Variants in ATAD3C observed in about 807,000 individuals in gnomAD.
ATAD3C encodes the protein ATPase family AAA domain-containing protein 3C.
ATAD3C carries 38 observed loss-of-function variants against 46.3 expected under a neutral mutation model. The ratio of observed to expected loss-of-function variants is 0.82; its 90% CI spans 0.63 to 1.08. ATAD3C has a LOEUF of 1.08. Ranked by LOEUF, ATAD3C falls within the 50% of genes least tolerant of loss-of-function variation. ATAD3C has a pLI of 0.00. For synonymous variants in ATAD3C, 220 were observed against 236.4 expected (o/e 0.93, Z 0.63); for missense variants, 563 against 572.7 (o/e 0.98, Z 0.17).
chr1:1,459,016 G>C lies in ATAD3C; in HGVS notation c.742-145G>C. The C allele has an allele frequency of 6.7e-7, 1 of 1,499,244 alleles. No homozygotes were observed. The highest frequency in any genetic ancestry group is 8.9e-7 in the Non-Finnish European group (1 of 1,121,548). The allele number at this position is 1,499,244 out of a possible 1,614,324, so 92.9% of individuals were successfully genotyped here. A position where few individuals can be genotyped will look rare whatever the true frequency, so the allele number is the denominator to read the frequency against. The stretch of plus-strand genomic sequence containing the variant: ...TTACATTCGTGAGTCACCGCCCCTG[G>C]CCCTGGTCAGGCTTTTGAGTCTAGA... On this transcript the variant is annotated intron_variant, in intron 8 of 11. Transcript: ENST00000378785. The surrounding 1 kb of genome is among the most constrained non-coding windows in gnomAD (Gnocchi z 4.9).
At chr1:1,455,360 G>T in intron 4 of ATAD3C, 100 bp from the exon 5 acceptor site, 1 of 1,507,496 alleles carries the variant, frequency 6.6e-7, no homozygotes, top group Non-Finnish European at 9.0e-7. Flanking sequence ...CTGTGATTCG[G>T]GGCAGCTCCG....
rs1639180896 is a variant in ATAD3C, at chr1:1,468,442, T to G, written c.1148T>G (p.Val383Gly). The G allele has an allele frequency of 6.2e-7, 1 of 1,613,022 alleles. No individual in the cohort carries two copies. Among genetic ancestry groups the G allele is most frequent in the Admixed American group, 1.7e-5 (1 of 59,846 alleles). ...VLTEAMMDAC[V>G]QDFVQQHQQM... is the part of the protein sequence containing the mutation. ...ACCGAGGCCATGATGGACGCCTGCGTGCAAGACTTTGTCCAGCAGCACCAG... is the reference window on the plus strand; with the variant it reads ...ACCGAGGCCATGATGGACGCCTGCGGGCAAGACTTTGTCCAGCAGCACCAG... The change falls in exon 12 of 12, where the codon GTG becomes GGG. Residue 383 changes from valine to glycine, a missense_variant. By Grantham distance (109) the Val-to-Gly change is moderately radical (BLOSUM62 -3). Transcript: ENST00000378785.
At chr1:1,454,311 G>A (rs1371861190) in intron 3 of ATAD3C, 34 bp from the exon 4 acceptor site, 5 of 1,580,810 alleles carry the variant, frequency 3.2e-6, no homozygotes, top group Non-Finnish European at 4.3e-6. Context: ...GGGACGGTGG[G>A]GGCCGGTGCG....
At chr1:1,452,569 G>A in intron 3 of ATAD3C, 135 bp downstream of exon 3, 1 of 1,431,036 alleles carries the variant, frequency 7.0e-7, no homozygotes, top group Non-Finnish European at 9.6e-7. Context: ...AGCCCAAACT[G>A]GACCTGCTGG....
In ATAD3C at chr1:1,462,898, C is replaced by G. The variant is rs948997085; in HGVS notation, c.1089+190C>G. On this transcript the variant is annotated intron_variant, in intron 11 of 11. Coordinates refer to ENST00000378785, the MANE Select transcript of ATAD3C (RefSeq NM_001039211.3). This position sits in a 1 kb window ranked among gnomAD's most constrained non-coding sequence, Gnocchi z 4.5. ...ACGCAGCAGCGTGCACCTGCTCCAG[C>G]AAGAAGGGTGGGGCCATGTCAGTGG... 3.9e-5 allele frequency among the ~76,000 whole-genome samples: 6 copies of G among 152,122 alleles called. No homozygotes were observed. Among genetic ancestry groups the G allele is most frequent in the African/African-American group, 1.2e-4 (5 of 41,424 alleles).
At position 1,456,217 on chromosome 1, in the gene ATAD3C, T is replaced by G. The variant is rs2489824; in HGVS notation, c.565-8T>G. On this transcript the variant is annotated splice_region_variant and splice_polypyrimidine_tract_variant and intron_variant, in intron 6 of 11. Transcript: ENST00000378785. Reference sequence around the variant, plus strand: ...TCTGTTCTGTCTCCCCTCACTCTTCTTGTCCAGAAACTCGCCCTGCACTCA... The same window carrying G: ...TCTGTTCTGTCTCCCCTCACTCTTCGTGTCCAGAAACTCGCCCTGCACTCA... 82 of 1,464,232 alleles carry G rather than the reference T, an allele frequency of 5.6e-5. 6 individuals carry two copies. Among genetic ancestry groups the G allele is most frequent in the Non-Finnish European group, 3.5e-6 (4 of 1,131,232 alleles). 90.7% of individuals were successfully genotyped at this position (1,464,232 alleles called of 1,614,324 possible).
chr1:1,464,820 G>A (rs545141449), intron 11 of ATAD3C, among the ~76,000 whole-genome samples: 10 of 152,034 alleles, frequency 6.6e-5, no homozygotes, highest in African/African-American at 2.4e-4. Flanking sequence ...ACATAATTGA[G>A]GTTTTCACAG....
intron 11 of ATAD3C, among the ~76,000 whole-genome samples, chr1:1,463,260 A>G (rs550026702): frequency 6.6e-6 from 1 of 152,146 alleles, no homozygotes; most frequent in African/African-American, 2.4e-5. Context: ...GAGTGTGGGC[A>G]CGGCCATCCA....
Position 1,455,263 on chromosome 1 carries a change from G to A in ATAD3C, c.379-197G>A, listed in dbSNP as rs541651944. ...AAAAAACCCAGAAAAAAGAGAAGCCGATAAGAAACCGGAAAATGCCCCCAA... is the reference window on the plus strand; with the variant it reads ...AAAAAACCCAGAAAAAAGAGAAGCCAATAAGAAACCGGAAAATGCCCCCAA... On this transcript the variant is annotated intron_variant, in intron 4 of 11. Transcript: ENST00000378785. 2.8e-5 allele frequency among the ~76,000 whole-genome samples: 4 copies of A among 143,376 alleles called. No homozygotes were observed. The East Asian group carries it at 6.0e-4, about 22-fold the overall frequency. 94.1% of individuals were successfully genotyped at this position (143,376 alleles called of 152,430 possible).
rs760573468 is a variant in ATAD3C, at chr1:1,456,299, C to T, written c.639C>T (p.Gly213=). ...ACGTGGCCCCCATGGGGCGGGAAGG[C>T]GTGACCGCCATGCACAAGCTCTTTG... ...GGDVAPMGRE[G]VTAMHKLFDW... The change falls in exon 7 of 12, where the codon GGC becomes GGT. Residue 213 remains glycine (G), a synonymous_variant. Transcript: ENST00000378785. 5.5e-6 allele frequency: 8 copies of T among 1,452,270 alleles called. No individual in the cohort carries two copies. The African/African-American group carries it at 1.1e-4, about 19-fold the overall frequency. The allele number at this position is 1,452,270 out of a possible 1,614,324, so 90.0% of individuals were successfully genotyped here.
rs888298981 is a variant in ATAD3C, at chr1:1,459,517, C to T, written c.812+286C>T. On this transcript the variant is annotated intron_variant, in intron 9 of 11. Coordinates refer to ENST00000378785, the MANE Select transcript of ATAD3C (RefSeq NM_001039211.3). This position sits in a 1 kb window ranked among gnomAD's most constrained non-coding sequence, Gnocchi z 4.9. ...AGGTCCCTCTGCCCCTAGGTTTCTG[C>T]GGTCCTGTGCCTGCAAGGGAGGTGG... Among the ~76,000 whole-genome samples the T allele has an allele frequency of 6.6e-6, 1 of 151,924 alleles. No homozygotes were observed. The highest frequency in any genetic ancestry group is 2.4e-5 in the African/African-American group (1 of 41,360).
In ATAD3C at chr1:1,450,771, G is replaced by C; in HGVS notation, c.75+13G>C. 3.7e-6 allele frequency: 6 copies of C among 1,612,386 alleles called. No individual in the cohort carries two copies. Among genetic ancestry groups the C allele is most frequent in the Non-Finnish European group, 5.1e-6 (6 of 1,179,496 alleles). On this transcript the variant is annotated intron_variant, in intron 1 of 11. Coordinates refer to ENST00000378785, the MANE Select transcript of ATAD3C (RefSeq NM_001039211.3). ...GTCCAAGCTCAAAGTGAGTGGGGCCGGTGTGGGCGGGGAGGCCGGGGCACA... is the reference window on the plus strand; with the variant it reads ...GTCCAAGCTCAAAGTGAGTGGGGCCCGTGTGGGCGGGGAGGCCGGGGCACA...
In ATAD3C at chr1:1,460,768, C is replaced by T. The variant is rs1174075720; in HGVS notation, c.831C>T (p.Ala277=). 1.9e-6 allele frequency: 3 copies of T among 1,608,980 alleles called. No homozygotes were observed. In the African/African-American group the frequency reaches 4.0e-5, roughly 22 times the overall value. Residue 277 remains alanine (A), a synonymous_variant, in exon 10 of 12, where the codon GCC becomes GCT. Transcript: ENST00000378785. ...CCCGCAGATTCATGCTGATCCTGGC[C>T]AGCTGCCACCCCGAGCAGTTCGACT... ...QHSNKFMLIL[A]SCHPEQFDWA...
At chr1:1,457,036 T>TGCCTGCTTG in intron 7 of ATAD3C, 93 bp from the exon 8 acceptor site, 1 of 1,562,386 alleles carries the variant, frequency 6.4e-7, no homozygotes, top group Non-Finnish European at 8.8e-7. Flanking sequence ...CGTGGGGATC[T>TGCCTGCTTG]GCCTGCTTGG....
intron 11 of ATAD3C, among the ~76,000 whole-genome samples, chr1:1,467,901 C>T (rs1639170258): frequency 2.0e-5 from 3 of 152,086 alleles, no homozygotes; most frequent in Admixed American, 6.6e-5. Context: ...GCCCTGTGCC[C>T]AGGAGGACAG....
rs753830490 is a variant in ATAD3C at position 1,455,817 on chromosome 1, C to T, written c.465C>T (p.Asp155=). 2.5e-6 allele frequency: 4 copies of T among 1,613,464 alleles called. No homozygotes were observed. The highest frequency in any genetic ancestry group is 3.4e-6 in the Non-Finnish European group (4 of 1,179,692). ...LSPSLEARVR[D]IAIMTRNIKK... ...CCAGCCTGGAAGCACGGGTGCGCGA[C>T]ATCGCCATAATGACAAGGAACATCA... The change falls in exon 6 of 12, where the codon GAC becomes GAT. Residue 155 remains aspartate, a synonymous_variant. Coordinates refer to ENST00000378785, the MANE Select transcript of ATAD3C (RefSeq NM_001039211.3).
intron 4 of ATAD3C, among the ~76,000 whole-genome samples, chr1:1,454,938 G>A (rs906861929): frequency 7.9e-5 from 12 of 151,864 alleles, no homozygotes; most frequent in South Asian, 2.1e-4. Context: ...AAAGCTGGCC[G>A]GGCGTGGTGG....
In ATAD3C at chr1:1,455,788, C is replaced by A; in HGVS notation, c.439-3C>A. 6.2e-7 allele frequency: 1 copy of A among 1,613,188 alleles called. No individual in the cohort carries two copies. The highest frequency in any genetic ancestry group is 8.5e-7 in the Non-Finnish European group (1 of 1,179,626). On this transcript the variant is annotated splice_polypyrimidine_tract_variant and splice_region_variant and intron_variant, in intron 5 of 11. Transcript: ENST00000378785. ...TCCTCCAAGCCCCTGTCTTCCTCGG[C>A]AGCCCAGCCTGGAAGCACGGGTGCG...
At chr1:1,461,003 G>T (rs968226975) in intron 10 of ATAD3C, 86 bp downstream of exon 10, 11 of 1,441,438 alleles carry the variant, frequency 7.6e-6, no homozygotes, top group Non-Finnish European at 9.2e-6. Context: ...CACCCAGCAG[G>T]CCCTGTCTCC....
Sources: gnomAD v4.1 joint callset for allele counts (sites outside exome capture counted in the v4.1 genomes callset) on GRCh38, gnomAD v4.1.1 for gene constraint, Gnocchi (gnomAD v3.1) non-coding constraint, MANE v1.5 for transcripts, NCBI Gene and HGNC (gene_info 2026-07-23, HGNC 2026-07-21) for gene names.